USH2A: variants seen among roughly 807,000 people sequenced by gnomAD.
The protein encoded by USH2A is Usher syndrome 2A (autosomal recessive, mild).
A neutral mutation model predicts 538.9 loss-of-function variants in USH2A; 443 were observed. The observed-to-expected ratio is 0.82, with a 90% CI of 0.76 to 0.89. The LOEUF (loss-of-function observed/expected upper bound fraction) is 0.89. USH2A is among the 40% of genes least tolerant of loss of function. The pLI, the probability that USH2A is intolerant of heterozygous loss-of-function variation, is 0.00. For missense variants in USH2A, 6,633 were observed against 6,324.8 expected (o/e 1.05, Z -1.65); for synonymous variants, 2,413 against 2,273.5 (o/e 1.06, Z -1.75).
At chr1:216,053,017 T>G (rs1318154791) in intron 30 of USH2A, among the ~76,000 whole-genome samples, 1 of 152,250 alleles carries the variant, frequency 6.6e-6, no homozygotes, top group Non-Finnish European at 1.5e-5. Flanking sequence ...CATTTATCAA[T>G]GTTTCCGCTA....
At chr1:215,734,245 G>A (rs2102719342) in intron 60 of USH2A, among the ~76,000 whole-genome samples, 1 of 152,282 alleles carries the variant, frequency 6.6e-6, no homozygotes, top group African/African-American at 2.4e-5. Flanking sequence ...TGATGTATCT[G>A]AGGCCCTTCG....
chr1:216,225,774 T>C (rs530873490), intron 14 of USH2A, among the ~76,000 whole-genome samples: 2 of 152,290 alleles, frequency 1.3e-5, no homozygotes, highest in South Asian at 4.1e-4. Context: ...TGAGATGGCA[T>C]AAGACTTATT....
chr1:215,902,990 G>A (rs1665542552), intron 38 of USH2A, among the ~76,000 whole-genome samples: 1 of 152,066 alleles, frequency 6.6e-6, no homozygotes, highest in African/African-American at 2.4e-5. Flanking sequence ...AATGAGTATA[G>A]AAGAGGTCTG....
chr1:215,951,722 A>G (rs1666919766), intron 37 of USH2A, among the ~76,000 whole-genome samples: 1 of 152,128 alleles, frequency 6.6e-6, no homozygotes, highest in South Asian at 2.1e-4. Context: ...GACTTGCTTT[A>G]TTAATCTGGG....
intron 25 of USH2A, 101 bp downstream of exon 25, chr1:216,084,597 G>A (rs998826940): frequency 1.6e-6 from 2 of 1,259,524 alleles, no homozygotes; most frequent in African/African-American, 1.5e-5. Flanking sequence ...TGTGATACTA[G>A]GTTCATATGA....
At chr1:215,790,828 T>C (rs1284822443) in intron 50 of USH2A, among the ~76,000 whole-genome samples, 4 of 152,220 alleles carry the variant, frequency 2.6e-5, no homozygotes, top group Non-Finnish European at 5.9e-5. Context: ...GCTGCAATGG[T>C]AACCATGTTT....
intron 37 of USH2A, among the ~76,000 whole-genome samples, chr1:215,953,085 A>G (rs1666963895): frequency 6.6e-6 from 1 of 152,158 alleles, no homozygotes; most frequent in African/African-American, 2.4e-5. Context: ...AAATGGAAGA[A>G]CATTGCATGC....
intron 3 of USH2A, among the ~76,000 whole-genome samples, chr1:216,383,332 A>T (rs1380392040): frequency 6.6e-6 from 1 of 152,244 alleles, no homozygotes; most frequent in Non-Finnish European, 1.5e-5. Context: ...CAGAATAGAA[A>T]TACTCTCACC....
chr1:215,985,090 C>A (rs1452620078), intron 35 of USH2A, among the ~76,000 whole-genome samples: 2 of 152,162 alleles, frequency 1.3e-5, no homozygotes, highest in African/African-American at 4.8e-5. Context: ...AAGCAGTTTT[C>A]CTAAGTGATT....
intron 38 of USH2A, among the ~76,000 whole-genome samples, chr1:215,929,165 AT>A (rs1277842177): frequency 1.3e-5 from 2 of 151,152 alleles, no homozygotes; most frequent in African/African-American, 4.9e-5. Context: ...AAAAAAAAGC[AT>A]TTGTGAATAA....
chr1:215,869,171 A>G (rs1664560199), intron 43 of USH2A, among the ~76,000 whole-genome samples: 1 of 152,230 alleles, frequency 6.6e-6, no homozygotes, highest in Non-Finnish European at 1.5e-5. Context: ...GAAAATAAGA[A>G]AAACAAGGCT....
intron 41 of USH2A, among the ~76,000 whole-genome samples, chr1:215,884,213 T>G (rs1473811920): frequency 6.6e-6 from 1 of 152,240 alleles, no homozygotes; most frequent in Non-Finnish European, 1.5e-5. Flanking sequence ...TCTGTACATG[T>G]ATCCCAGAAC....
At chr1:216,056,903 A>T (rs1025845618) in intron 30 of USH2A, among the ~76,000 whole-genome samples, 1 of 152,204 alleles carries the variant, frequency 6.6e-6, no homozygotes, top group African/African-American at 2.4e-5. Flanking sequence ...TGATCATAAA[A>T]GGTAGAAAAC....
At chr1:215,820,566 G>A (rs557745606) in intron 47 of USH2A, among the ~76,000 whole-genome samples, 5 of 151,880 alleles carry the variant, frequency 3.3e-5, no homozygotes, top group Non-Finnish European at 7.4e-5. Context: ...ACCTTAAATA[G>A]TTGTCTTTTC....
At position 215,623,584 on chromosome 1, in the gene USH2A, A is replaced by ACTT. The variant is rs1655883460; in HGVS notation, c.*2194_*2196dup. On this transcript the variant is annotated 3_prime_UTR_variant, in exon 72 of 72. Transcript: ENST00000307340. The stretch of plus-strand genomic sequence containing the variant: ...TCTTCTCTGAAATAAATACAAGTAA[A>ACTT]CTTAGACATGTAGCAGGGGACAGAG... 6.6e-6 allele frequency: 1 copy of ACTT among 152,064 alleles called. No individual in the cohort carries two copies. Among genetic ancestry groups the ACTT allele is most frequent in the African/African-American group, 2.4e-5 (1 of 41,414 alleles). The allele number at this position is 152,064 out of a possible 1,614,324, so 9.4% of individuals were successfully genotyped here. A position where few individuals can be genotyped will look rare whatever the true frequency, so the allele number is the denominator to read the frequency against.
intron 55 of USH2A, among the ~76,000 whole-genome samples, chr1:215,773,524 C>CTCTCTCTCTCTCTCTCTTTCTT (rs1558091711): frequency 6.7e-6 from 1 of 148,858 alleles, no homozygotes; most frequent in African/African-American, 2.5e-5. Context: ...CTCTCTCTCT[C>CTCTCTCTCTCTCTCTCTTTCTT]TCTCTCTCTG....
chr1:216,183,876 T>C (rs2034539834), intron 20 of USH2A, among the ~76,000 whole-genome samples: 1 of 152,058 alleles, frequency 6.6e-6, no homozygotes, highest in South Asian at 2.1e-4. Flanking sequence ...AATTAAAAAG[T>C]ATTGCTTTGA....
At chr1:216,352,451 G>A (rs564876601) in intron 4 of USH2A, among the ~76,000 whole-genome samples, 1 of 152,118 alleles carries the variant, frequency 6.6e-6, no homozygotes, top group Non-Finnish European at 1.5e-5. Flanking sequence ...TAATGTGAAG[G>A]TGAGTAGAGA....
chr1:215,861,729 A>C (rs139630769), intron 44 of USH2A, among the ~76,000 whole-genome samples: 3 of 152,152 alleles, frequency 2.0e-5, no homozygotes, highest in African/African-American at 4.8e-5. Context: ...TCACCTGGCC[A>C]TGACTAATTG....
Sources: allele counts gnomAD v4.1 joint callset (sites outside exome capture counted in the v4.1 genomes callset), GRCh38; gene constraint gnomAD v4.1.1; transcripts MANE v1.5; gene names NCBI Gene and HGNC (gene_info 2026-07-23, HGNC 2026-07-21).